Variants in CEMIP observed in about 807,000 individuals in gnomAD.
CEMIP encodes the protein cell migration inducing hyaluronidase 1.
Under a neutral mutation model 156.9 loss-of-function variants are expected in CEMIP, and 105 were observed. That is an observed-to-expected ratio of 0.67 (90% CI 0.57 to 0.79). CEMIP has a LOEUF of 0.79. Among genes scored for constraint, CEMIP ranks in the 30% least tolerant of loss-of-function variants. The probability of loss-of-function intolerance (pLI) is 0.00; values close to 1 mark genes in which losing one functional copy is unlikely to be tolerated. For missense variants in CEMIP, 1,457 were observed against 1,769.4 expected (o/e 0.82, Z 3.17); for synonymous variants, 676 against 668.4 (o/e 1.01, Z -0.17).
chr15:80,933,499 C>A, intron 23 of CEMIP, 39 bp downstream of exon 23: 1 of 1,512,320 alleles, frequency 6.6e-7, no homozygotes, highest in South Asian at 1.1e-5. Flanking sequence ...CTCACTTATT[C>A]ACTCATGCAA....
intron 14 of CEMIP, among the ~76,000 whole-genome samples, chr15:80,913,977 A>G (rs1900165239): frequency 6.6e-6 from 1 of 152,250 alleles, no homozygotes; most frequent in African/African-American, 2.4e-5. Flanking sequence ...AGCACTGGAA[A>G]ATGCTTCTCA....
intron 1 of CEMIP, among the ~76,000 whole-genome samples, chr15:80,796,994 T>C (rs576288754): frequency 6.6e-6 from 1 of 152,278 alleles, no homozygotes; most frequent in Admixed American, 6.5e-5. Context: ...TTAAAGGAGC[T>C]ATGAGTGGCT....
intron 1 of CEMIP, among the ~76,000 whole-genome samples, chr15:80,809,326 A>T (rs1420582495): frequency 1.3e-5 from 2 of 152,234 alleles, no homozygotes; most frequent in African/African-American, 4.8e-5. Flanking sequence ...AGCTATTTAA[A>T]ATCTTGCAAA....
Position 80,879,791 on chromosome 15 carries a change from A to G in CEMIP, c.317A>G (p.Glu106Gly). 1 of 1,614,156 alleles carries G rather than the reference A, an allele frequency of 6.2e-7. No homozygotes were observed. Among genetic ancestry groups the G allele is most frequent in the Non-Finnish European group, 8.5e-7 (1 of 1,180,026 alleles). ...TRHILIDNGG[E>G]LHAGSALCPF... is the part of the protein sequence containing the mutation. ...CACATCCTGATTGACAACGGAGGAG[A>G]GCTGCATGCTGGGAGTGCCCTCTGC... The change falls in exon 5 of 30, where the codon GAG becomes GGG. Residue 106 changes from glutamate to glycine, a missense_variant. By Grantham distance (98) the Glu-to-Gly change is moderately conservative. Around this residue, in one of 5 missense-constraint regions of CEMIP, gnomAD observed 309 missense variants for 340.8 expected, o/e 0.91. Transcript: ENST00000394685.
At chr15:80,821,740 T>C (rs1289884848) in intron 1 of CEMIP, among the ~76,000 whole-genome samples, 1 of 152,212 alleles carries the variant, frequency 6.6e-6, no homozygotes, top group Non-Finnish European at 1.5e-5. Context: ...TCTAATGGGC[T>C]ACTTAGAGGT....
chr15:80,803,933 A>G (rs1896444990), intron 1 of CEMIP, among the ~76,000 whole-genome samples: 1 of 152,246 alleles, frequency 6.6e-6, no homozygotes, highest in African/African-American at 2.4e-5. Context: ...ATAATTTCTA[A>G]AGAAAAGAGA....
intron 1 of CEMIP, among the ~76,000 whole-genome samples, chr15:80,785,508 A>G (rs1234439661): frequency 1.3e-5 from 2 of 152,190 alleles, no homozygotes; most frequent in Non-Finnish European, 2.9e-5. Flanking sequence ...CAGGCCCTGA[A>G]TGAGTCACTG....
intron 19 of CEMIP, among the ~76,000 whole-genome samples, chr15:80,927,108 C>T (rs374561181): frequency 3.3e-5 from 5 of 152,180 alleles, no homozygotes; most frequent in Admixed American, 3.3e-4. Flanking sequence ...GGATTACAGG[C>T]GTGAGCCACT....
At chr15:80,889,393 T>G in intron 9 of CEMIP, 78 bp from the exon 10 acceptor site, 1 of 1,601,176 alleles carries the variant, frequency 6.2e-7, no homozygotes, top group Non-Finnish European at 8.6e-7. Context: ...GTGCTGAGGA[T>G]GCTTGGAGAC....
In CEMIP at chr15:80,937,933, C is replaced by T. The variant is rs746686359; in HGVS notation, c.3361C>T (p.Gln1121Ter). The T allele has an allele frequency of 1.2e-6, 2 of 1,614,086 alleles. No individual in the cohort carries two copies. Among genetic ancestry groups the T allele is most frequent in the African/African-American group, 1.3e-5 (1 of 74,926 alleles). ...GACCTTGCAGATGGACAAAGTGGAG[C>T]AGAGCTACCCTGGCAGGAGCCACTA... ...VRTLQMDKVE[Q>*]SYPGRSHYYW... Residue 1121 changes from glutamine (Q) to a stop codon, truncating the protein, a stop_gained, in exon 25 of 30, where the codon CAG becomes TAG. Coordinates refer to ENST00000394685, the MANE Select transcript of CEMIP (RefSeq NM_001293298.2). LOFTEE classifies it high-confidence loss of function.
chr15:80,911,078 T>C (rs998775991), intron 14 of CEMIP, among the ~76,000 whole-genome samples: 2 of 152,206 alleles, frequency 1.3e-5, no homozygotes, highest in African/African-American at 4.8e-5. Context: ...TGCTCTGTGC[T>C]TCTGTAAAAC....
At chr15:80,933,621 T>C (rs1186581269) in intron 23 of CEMIP, among the ~76,000 whole-genome samples, 161 bp downstream of exon 23, 1 of 150,522 alleles carries the variant, frequency 6.6e-6, no homozygotes, top group Non-Finnish European at 1.5e-5. Flanking sequence ...CCTCACCCAG[T>C]AGGATTTTTA....
intron 1 of CEMIP, among the ~76,000 whole-genome samples, chr15:80,788,804 G>A (rs893138641): frequency 1.1e-4 from 17 of 151,766 alleles, no homozygotes; most frequent in East Asian, 3.9e-4. Flanking sequence ...TCTCTCTTCC[G>A]CTCCAACTGG....
At chr15:80,886,561 A>T (rs971697807) in intron 7 of CEMIP, among the ~76,000 whole-genome samples, 10 of 152,196 alleles carry the variant, frequency 6.6e-5, no homozygotes, top group African/African-American at 2.2e-4. Context: ...AGGGGGGGAA[A>T]ATCTCTTTCC....
At chr15:80,834,340 G>T (rs1164066172) in intron 1 of CEMIP, among the ~76,000 whole-genome samples, 2 of 152,126 alleles carry the variant, frequency 1.3e-5, no homozygotes, top group Non-Finnish European at 2.9e-5. Flanking sequence ...TTTTAAAATT[G>T]TTAGTCCTTT....
chr15:80,943,520 T>C (rs1261334989), intron 28 of CEMIP, among the ~76,000 whole-genome samples: 2 of 152,220 alleles, frequency 1.3e-5, no homozygotes, highest in South Asian at 2.1e-4. Context: ...ACATCTTGTA[T>C]GGAACTGAAT....
In CEMIP at chr15:80,920,178, T is replaced by C; in HGVS notation, c.1882T>C (p.Cys628Arg). 1 of 1,614,214 alleles carries C rather than the reference T, an allele frequency of 6.2e-7. No homozygotes were observed. ...GPEERNTFDH[C>R]LGLLVKSGTL... ...GGAGGAACGCAACACTTTTGACCACTGTCTTGGCCTCCTTGTCAAGTCTGG... is the reference window on the plus strand; with the variant it reads ...GGAGGAACGCAACACTTTTGACCACCGTCTTGGCCTCCTTGTCAAGTCTGG... The change falls in exon 15 of 30, where the codon TGT (cysteine) becomes CGT (arginine). Residue 628 changes from cysteine (C) to arginine (R), a missense_variant. Transcript: ENST00000394685.
chr15:80,867,042 A>G (rs1392762760), intron 1 of CEMIP, among the ~76,000 whole-genome samples: 1 of 152,198 alleles, frequency 6.6e-6, no homozygotes, highest in African/African-American at 2.4e-5. Context: ...CCTAATCAAC[A>G]TAAGCAATTG....
intron 1 of CEMIP, among the ~76,000 whole-genome samples, chr15:80,846,141 C>T (rs966333437): frequency 6.6e-6 from 1 of 152,328 alleles, no homozygotes; most frequent in Non-Finnish European, 1.5e-5. Flanking sequence ...ACTTGGGAAG[C>T]ACAGTCATGG....
Sources: gnomAD v4.1 joint callset for allele counts (sites outside exome capture counted in the v4.1 genomes callset) on GRCh38, gnomAD v4.1.1 for gene constraint, gnomAD v4.1.1 regional missense constraint, MANE v1.5 for transcripts, NCBI Gene and HGNC (gene_info 2026-07-23, HGNC 2026-07-21) for gene names.